The following PKN2 variants were observed in gnomAD, a reference collection of about 807,000 sequenced individuals.
PKN2 encodes serine/threonine-protein kinase N2.
Under a neutral mutation model 119.1 loss-of-function variants are expected in PKN2, and 38 were observed. The ratio of observed to expected loss-of-function variants is 0.32; its 90% CI spans 0.25 to 0.42. The LOEUF (loss-of-function observed/expected upper bound fraction) is 0.42. Ranked by LOEUF, PKN2 falls within the 10% of genes least tolerant of loss-of-function variation. The pLI is 1.00. For synonymous variants in PKN2, 390 were observed against 384.9 expected, an observed-to-expected ratio of 1.01 and a Z score of -0.15; for missense variants, 850 against 1,165.1, an observed-to-expected ratio of 0.73 and a Z score of 3.94.
At chr1:88,761,880 T>A (rs1023970371) in intron 3 of PKN2, among the ~76,000 whole-genome samples, 1 of 152,166 alleles carries the variant, frequency 6.6e-6, no homozygotes, top group African/African-American at 2.4e-5. Flanking sequence ...GACATTTAGT[T>A]TTGGGGATTT....
intron 1 of PKN2, among the ~76,000 whole-genome samples, chr1:88,710,147 T>A (rs188700417): frequency 1.3e-5 from 2 of 152,296 alleles, no homozygotes; most frequent in Admixed American, 1.3e-4. Flanking sequence ...AAGGTGGAGA[T>A]GCACTTTGGG....
At chr1:88,742,766 C>G (rs1668625339) in intron 2 of PKN2, among the ~76,000 whole-genome samples, 1 of 151,874 alleles carries the variant, frequency 6.6e-6, no homozygotes, top group Non-Finnish European at 1.5e-5. Flanking sequence ...AGAAACAGCA[C>G]TGGAGCTGTT....
intron 2 of PKN2, among the ~76,000 whole-genome samples, chr1:88,753,320 T>A (rs66473508): frequency 0.051 from 7,830 of 152,272 alleles, 384 homozygotes; most frequent in African/African-American, 0.12. Context: ...GACCTACCAA[T>A]TAGAATCACT....
At chr1:88,812,347 A>G (rs1001410888) in intron 15 of PKN2, among the ~76,000 whole-genome samples, 1 of 152,158 alleles carries the variant, frequency 6.6e-6, no homozygotes, top group African/African-American at 2.4e-5. Context: ...TACCACTTAT[A>G]TGTTCCACCC....
Position 88,766,042 on chromosome 1 carries a change from A to T in PKN2, c.505-4310A>T, listed in dbSNP as rs574681461. Among the ~76,000 whole-genome samples, 92 of 152,256 alleles carry T rather than the reference A, an allele frequency of 6.0e-4. 1 individual carries two copies. Among genetic ancestry groups the T allele is most frequent in the African/African-American group, 2.2e-3 (90 of 41,536 alleles). ...TGGCTGGGCTGGTCTCGAACTCCTG[A>T]CCTTAGATGATCCCCCAGCCTTGGC... On this transcript the variant is annotated intron_variant, in intron 3 of 21. Coordinates refer to ENST00000370521, the MANE Select transcript of PKN2 (RefSeq NM_006256.4).
chr1:88,765,922 G>A (rs1199879191), intron 3 of PKN2, among the ~76,000 whole-genome samples: 1 of 151,974 alleles, frequency 6.6e-6, no homozygotes, highest in Non-Finnish European at 1.5e-5. Flanking sequence ...AGTGATTCTC[G>A]TGCCTCAGCC....
At chr1:88,770,151 G>A (rs1372943454) in intron 3 of PKN2, among the ~76,000 whole-genome samples, 1 of 152,144 alleles carries the variant, frequency 6.6e-6, no homozygotes, top group Admixed American at 6.5e-5. Flanking sequence ...AACTAATGGA[G>A]TTGTTTTTCA....
chr1:88,772,519 C>G (rs528872862), intron 6 of PKN2, among the ~76,000 whole-genome samples: 77 of 152,292 alleles, frequency 5.1e-4, no homozygotes, highest in Non-Finnish European at 1.1e-3. Context: ...TGAGATACTT[C>G]TGGTCCCAAG....
intron 8 of PKN2, among the ~76,000 whole-genome samples, chr1:88,802,448 C>T (rs1176035463): frequency 6.6e-6 from 1 of 152,058 alleles, no homozygotes; most frequent in Non-Finnish European, 1.5e-5. Flanking sequence ...GCCTTAGCCT[C>T]CCAAGTAGCT....
At chr1:88,751,225 G>A (rs1360149643) in intron 2 of PKN2, among the ~76,000 whole-genome samples, 1 of 150,954 alleles carries the variant, frequency 6.6e-6, no homozygotes, top group African/African-American at 2.4e-5. Context: ...CTAGGTGATG[G>A]GTATATAGGT....
chr1:88,832,090 A>G (rs1333888541), intron 19 of PKN2, among the ~76,000 whole-genome samples: 1 of 151,976 alleles, frequency 6.6e-6, no homozygotes, highest in African/African-American at 2.4e-5. Context: ...ATGCCTGGCA[A>G]TGTGTGCTTT....
intron 6 of PKN2, among the ~76,000 whole-genome samples, chr1:88,782,129 A>G (rs1325614560): frequency 6.6e-6 from 1 of 152,128 alleles, no homozygotes; most frequent in East Asian, 1.9e-4. Flanking sequence ...AAAACTATAC[A>G]TATGTTAAGT....
At chr1:88,696,764 G>T (rs1448229066) in intron 1 of PKN2, among the ~76,000 whole-genome samples, 1 of 151,846 alleles carries the variant, frequency 6.6e-6, no homozygotes, top group Non-Finnish European at 1.5e-5. Context: ...AGAATTCTAG[G>T]GATTCTCCTG....
At chr1:88,759,731 A>G (rs1380024815) in intron 2 of PKN2, among the ~76,000 whole-genome samples, 1 of 152,164 alleles carries the variant, frequency 6.6e-6, no homozygotes, top group African/African-American at 2.4e-5. Context: ...AGAGAATATT[A>G]GGAACACCTC....
chr1:88,776,086 T>C (rs988389583), intron 6 of PKN2, among the ~76,000 whole-genome samples: 53 of 148,542 alleles, frequency 3.6e-4, no homozygotes, highest in East Asian at 2.0e-3. Flanking sequence ...CCAGCCTGGG[T>C]GACAGAGCGA....
At chr1:88,810,177 A>G (rs373739459) in intron 15 of PKN2, among the ~76,000 whole-genome samples, 8 of 151,784 alleles carry the variant, frequency 5.3e-5, no homozygotes, top group South Asian at 2.1e-4. Context: ...CTGGAGTGCA[A>G]TGGCATGAAT....
chr1:88,819,777 G>C (rs1672169700), intron 16 of PKN2, among the ~76,000 whole-genome samples: 1 of 152,136 alleles, frequency 6.6e-6, no homozygotes, highest in Non-Finnish European at 1.5e-5. Flanking sequence ...ATCAATGATA[G>C]ACTGCATAAA....
intron 8 of PKN2, among the ~76,000 whole-genome samples, chr1:88,796,664 C>A (rs1481996867): frequency 3.3e-5 from 5 of 152,112 alleles, no homozygotes; most frequent in Admixed American, 3.3e-4. Context: ...TTCCTACTAC[C>A]TTTCCCTTAC....
At chr1:88,771,011 G>A (rs170038) in intron 4 of PKN2, among the ~76,000 whole-genome samples, 108,002 of 151,434 alleles carry the variant, frequency 0.71, 39,516 homozygotes, top group African/African-American at 0.88. Flanking sequence ...AGATTATCAA[G>A]TACTTACAAT....
Sources: gnomAD v4.1 joint callset for allele counts (sites outside exome capture counted in the v4.1 genomes callset) on GRCh38, gnomAD v4.1.1 for gene constraint, MANE v1.5 for transcripts, NCBI Gene and HGNC (gene_info 2026-07-23, HGNC 2026-07-21) for gene names.